CENPF: variants seen among roughly 807,000 people sequenced by gnomAD.
The protein encoded by CENPF is AH antigen.
A neutral mutation model predicts 307.3 loss-of-function variants in CENPF; 214 were observed. The observed-to-expected ratio is 0.70, with a 90% confidence interval of 0.62 to 0.78. The LOEUF is 0.78. Ranked by LOEUF, CENPF falls within the 30% of genes least tolerant of loss-of-function variation. The pLI is 0.00. For synonymous variants in CENPF, 1,259 were observed against 1,270.6 expected, an observed-to-expected ratio of 0.99 and a Z score of 0.19; for missense variants, 3,401 against 3,483.9, an observed-to-expected ratio of 0.98 and a Z score of 0.60.
intron 2 of CENPF, among the ~76,000 whole-genome samples, 161 bp from the exon 3 acceptor site, chr1:214,614,671 A>G (rs187049732): frequency 1.3e-5 from 2 of 152,156 alleles, no homozygotes; most frequent in South Asian, 4.1e-4. Context: ...TTTCCTATCT[A>G]TTGGCTTCAA....
At chr1:214,662,391 A>C (rs1213004329) in intron 19 of CENPF, among the ~76,000 whole-genome samples, 1 of 152,204 alleles carries the variant, frequency 6.6e-6, no homozygotes, top group Admixed American at 6.5e-5. Context: ...GGGAGAAGTG[A>C]GCTTTCCTGG....
chr1:214,607,510 G>A (rs1204854547), intron 1 of CENPF, among the ~76,000 whole-genome samples: 8 of 152,154 alleles, frequency 5.3e-5, no homozygotes, highest in Non-Finnish European at 1.0e-4. Flanking sequence ...CCCACAGCAG[G>A]GACTGCCTGC....
intron 9 of CENPF, among the ~76,000 whole-genome samples, chr1:214,631,653 C>T (rs1657812497): frequency 6.6e-6 from 1 of 152,182 alleles, no homozygotes; most frequent in Admixed American, 6.5e-5. Context: ...GCGCCTGCCA[C>T]CACGCCTGGC....
intron 11 of CENPF, among the ~76,000 whole-genome samples, chr1:214,639,022 A>G (rs1658035222): frequency 6.6e-6 from 1 of 152,186 alleles, no homozygotes; most frequent in South Asian, 2.1e-4. Flanking sequence ...TAAGCCCTTA[A>G]CTATAAGTAG....
chr1:214,644,790 G>T lies in CENPF; in HGVS notation c.5220G>T (p.Gln1740His). 6.2e-7 allele frequency: 1 copy of T among 1,613,880 alleles called. No individual in the cohort carries two copies. Among genetic ancestry groups the T allele is most frequent in the Non-Finnish European group, 8.5e-7 (1 of 1,179,952 alleles). Residue 1740 changes from glutamine (Q) to histidine (H), a missense_variant, in exon 13 of 20, where the codon CAG (glutamine) becomes CAT (histidine). Transcript: ENST00000366955. ...AGCCTCCAGGGGAAGATAAAACCCA[G>T]GGCTCTTCAGAATGCATTTCTGAAT... ...NYEPPGEDKT[Q>H]GSSECISELS...
Position 214,645,421 on chromosome 1 carries a change from G to A in CENPF, c.5851G>A (p.Glu1951Lys). 2 of 1,614,118 alleles carry A rather than the reference G, an allele frequency of 1.2e-6. No individual in the cohort carries two copies. Among genetic ancestry groups the A allele is most frequent in the Non-Finnish European group, 1.7e-6 (2 of 1,180,012 alleles). The change falls in exon 13 of 20, where the codon GAA becomes AAA. Residue 1951 changes from glutamate (E) to lysine (K), a missense_variant. Transcript: ENST00000366955. ...NKQKVIVCLE[E>K]ELSVVTSERN... ...GCAGAAGGTTATTGTCTGCCTTGAA[G>A]AAGAACTCTCAGTGGTCACAAGTGA...
At chr1:214,605,960 G>A in intron 1 of CENPF, 30 of 1,597,320 alleles carry the variant, frequency 1.9e-5, no homozygotes, top group Non-Finnish European at 2.4e-5. Flanking sequence ...GCGCATGCCC[G>A]AGGTGAGCGG....
rs1351094141 is a variant in CENPF at position 214,659,873 on chromosome 1, A to G, written c.9141+845A>G. On this transcript the variant is annotated intron_variant, in intron 19 of 19. Transcript: ENST00000366955. This position sits in a 1 kb window ranked among gnomAD's most constrained non-coding sequence, Gnocchi z 4.4. ...GGGGATATTTTTGGAAGTTGCTGGA[A>G]TAGCTTCAAAGAGTTTGAACAGTCT... 6.6e-6 allele frequency among the ~76,000 whole-genome samples: 1 copy of G among 152,196 alleles called. No homozygotes were observed. Among genetic ancestry groups the G allele is most frequent in the Admixed American group, 6.6e-5 (1 of 15,266 alleles).
chr1:214,644,138 G>A (rs998136262), intron 12 of CENPF, among the ~76,000 whole-genome samples: 2 of 152,194 alleles, frequency 1.3e-5, no homozygotes, highest in East Asian at 1.9e-4. Flanking sequence ...TGGGAATCTG[G>A]TTATGAAACT....
rs74463969 is a variant in CENPF at position 214,634,862 on chromosome 1, G to A, written c.1446+2260G>A. 3.7e-4 allele frequency among the ~76,000 whole-genome samples: 56 copies of A among 152,306 alleles called. No individual in the cohort carries two copies. In the East Asian group the frequency reaches 7.1e-3, roughly 19 times the overall value. ...AGGACGCTTATAGGTTTTGGATGCC[G>A]AAATAATGTGACAGTTGTACTGAAA... On this transcript the variant is annotated intron_variant, in intron 10 of 19. Coordinates refer to ENST00000366955, the MANE Select transcript of CENPF (RefSeq NM_016343.4).
chr1:214,618,749 A>G, intron 4 of CENPF, 55 bp downstream of exon 4: 1 of 1,508,684 alleles, frequency 6.6e-7, no homozygotes, highest in Non-Finnish European at 9.0e-7. Context: ...TGAGATTTTA[A>G]TTCTGCAAAA....
chr1:214,655,140 C>T, intron 16 of CENPF, 101 bp from the exon 17 acceptor site: 1 of 722,538 alleles, frequency 1.4e-6, no homozygotes, highest in Middle Eastern at 4.3e-4. Flanking sequence ...TCTAATAATT[C>T]TTAAATTTAC....
rs764992808 is a variant in CENPF at position 214,640,332 on chromosome 1, T to C, written c.1994T>C (p.Val665Ala). The change falls in exon 12 of 20, where the codon GTA becomes GCA. Residue 665 changes from valine to alanine, a missense_variant. Coordinates refer to ENST00000366955, the MANE Select transcript of CENPF (RefSeq NM_016343.4). ...QIKSHEYNER[V>A]RTLEMDRENL... The stretch of plus-strand genomic sequence containing the variant: ...AAAAGTCATGAATACAACGAGAGAG[T>C]AAGAACGCTGGAGATGGACAGAGAA... The C allele has an allele frequency of 6.2e-7, 1 of 1,613,380 alleles. No homozygotes were observed. Among genetic ancestry groups the C allele is most frequent in the African/African-American group, 1.3e-5 (1 of 74,810 alleles).
At chr1:214,638,041 G>A (rs1658010315) in intron 11 of CENPF, 40 bp downstream of exon 11, 1 of 1,565,892 alleles carries the variant, frequency 6.4e-7, no homozygotes, top group Non-Finnish European at 8.6e-7. Flanking sequence ...TTTCTAAGCT[G>A]CTATTCCCGT....
chr1:214,650,230 G>C (rs1381518813), intron 14 of CENPF, among the ~76,000 whole-genome samples: 1 of 152,150 alleles, frequency 6.6e-6, no homozygotes, highest in Non-Finnish European at 1.5e-5. Context: ...CTAGAGAGCA[G>C]TGTGGTCAAA....
chr1:214,603,506 C>T (rs1656943729), intron 1 of CENPF, 185 bp downstream of exon 1: 1 of 152,224 alleles, frequency 6.6e-6, no homozygotes, highest in African/African-American at 2.4e-5. Context: ...GAATCCGCCC[C>T]GGGATGTGGT....
chr1:214,606,843 G>A (rs371834012), intron 1 of CENPF, among the ~76,000 whole-genome samples: 37 of 152,226 alleles, frequency 2.4e-4, no homozygotes, highest in Middle Eastern at 6.8e-3. Flanking sequence ...TCCCAACCAC[G>A]CGGGACCCAC....
rs527641109 is a variant in CENPF, at chr1:214,644,824, T to G, written c.5254T>G (p.Ser1752Ala). Residue 1752 changes from serine to alanine, a missense_variant, in exon 13 of 20, where the codon TCT becomes GCT. Transcript: ENST00000366955. ...AGAATGCATTTCTGAATTGTCATTT[T>G]CTGGTCCTAATGCTTTGGTACCTAT... ...SSECISELSFSGPNALVPMDF... is the reference protein window; with the variant it reads ...SSECISELSFAGPNALVPMDF... 2 of 1,614,114 alleles carry G rather than the reference T, an allele frequency of 1.2e-6. No homozygotes were observed. The highest frequency in any genetic ancestry group is 2.7e-5 in the African/African-American group (2 of 75,038).
rs17023380 is a variant in CENPF, at chr1:214,647,590, A to G, written c.7830+190A>G. Among the ~76,000 whole-genome samples the G allele has an allele frequency of 0.074, 11,241 of 152,228 alleles. 511 individuals are homozygous for G. The highest frequency in any genetic ancestry group is 0.14 in the South Asian group (682 of 4,818). ...TGAGTTGGCTCTGGCAGTAGTCACT[A>G]TTCTGGCTGATTCTTTGGGACATGT... On this transcript the variant is annotated intron_variant, in intron 13 of 19. Transcript: ENST00000366955.
Sources: gnomAD v4.1 joint callset for allele counts (sites outside exome capture counted in the v4.1 genomes callset) on GRCh38, gnomAD v4.1.1 for gene constraint, Gnocchi (gnomAD v3.1) non-coding constraint, MANE v1.5 for transcripts, NCBI Gene and HGNC (gene_info 2026-07-23, HGNC 2026-07-21) for gene names.